The following ACSM2A variants were observed in gnomAD, a reference collection of about 807,000 sequenced individuals.
ACSM2A encodes acyl-CoA synthetase medium chain family member 2A, also known as acyl-coenzyme A synthetase ACSM2A, mitochondrial.
A neutral mutation model predicts 76.6 loss-of-function variants in ACSM2A; 72 were observed. The ratio of observed to expected loss-of-function variants is 0.94; its 90% CI spans 0.78 to 1.14. The LOEUF (loss-of-function observed/expected upper bound fraction) is 1.14. ACSM2A is among the 50% of genes most tolerant of loss of function. The pLI is 0.00. For missense variants in ACSM2A, 684 were observed against 708.5 expected (o/e 0.97, Z 0.39); for synonymous variants, 249 against 255.9 (o/e 0.97, Z 0.26).
intron 3 of ACSM2A, among the ~76,000 whole-genome samples, chr16:20,468,021 A>G (rs148401613): frequency 3.9e-4 from 59 of 152,222 alleles, no homozygotes; most frequent in Middle Eastern, 6.8e-3. Flanking sequence ...AGAGAAAGAC[A>G]TGAATGCAGC....
At chr16:20,477,756 T>G (rs1489293622) in intron 9 of ACSM2A, among the ~76,000 whole-genome samples, 8 of 152,232 alleles carry the variant, frequency 5.3e-5, no homozygotes, top group Admixed American at 5.2e-4. Context: ...TAATATTTTG[T>G]AACTAGCTTT....
chr16:20,462,949 T>C (rs2012721483), intron 2 of ACSM2A, among the ~76,000 whole-genome samples: 1 of 151,142 alleles, frequency 6.6e-6, no homozygotes, highest in African/African-American at 2.4e-5. Flanking sequence ...AGACAAAAAA[T>C]AAACCATCAT....
At chr16:20,466,943 CAGTT>C (rs2013036131) in intron 3 of ACSM2A, among the ~76,000 whole-genome samples, 1 of 152,168 alleles carries the variant, frequency 6.6e-6, no homozygotes, top group African/African-American at 2.4e-5. Context: ...AGCACGGACA[CAGTT>C]AGTTTCAGGA....
At chr16:20,456,849 T>C (rs1360765322) in intron 1 of ACSM2A, among the ~76,000 whole-genome samples, 2 of 143,948 alleles carry the variant, frequency 1.4e-5, no homozygotes, top group Non-Finnish European at 3.0e-5. Context: ...AAAAGATAAA[T>C]GAAACAAAAT....
At position 20,478,586 on chromosome 16, in the gene ACSM2A, A is replaced by G; in HGVS notation, c.1190A>G (p.Asp397Gly). ...ASCYDVQIID[D>G]KGNVLPPGTE... ...TGCTTCTTTCTCCAGATCATAGATG[A>G]TAAGGGCAACGTCCTGCCCCCCGGC... Residue 397 changes from aspartate (D) to glycine (G), a missense_variant, in exon 10 of 14, where the codon GAT becomes GGT. Physicochemically the swap from Asp to Gly is moderately conservative, Grantham distance 94 (BLOSUM62 -1). Around this residue, in one of 3 missense-constraint regions of ACSM2A, gnomAD observed 519 missense variants for 549.5 expected, o/e 0.94. Coordinates refer to ENST00000573854, the MANE Select transcript of ACSM2A (RefSeq NM_001308172.2). 1 of 1,613,644 alleles carries G rather than the reference A, an allele frequency of 6.2e-7. No homozygotes were observed.
intron 3 of ACSM2A, among the ~76,000 whole-genome samples, chr16:20,468,726 A>G (rs1474796703): frequency 6.6e-6 from 1 of 152,212 alleles, no homozygotes; most frequent in Non-Finnish European, 1.5e-5. Context: ...GGAAACAAGA[A>G]CAAGAATTTA....
rs561933191 is a variant in ACSM2A, at chr16:20,487,494, A to G, written c.*816A>G. The G allele has an allele frequency of 1.3e-5, 2 of 152,334 alleles. No individual in the cohort carries two copies. Among genetic ancestry groups the G allele is most frequent in the African/African-American group, 4.8e-5 (2 of 41,552 alleles). The allele number at this position is 152,334 out of a possible 1,614,324, so 9.4% of individuals were successfully genotyped here. On this transcript the variant is annotated 3_prime_UTR_variant, in exon 14 of 14. Coordinates refer to ENST00000573854, the MANE Select transcript of ACSM2A (RefSeq NM_001308172.2). The stretch of plus-strand genomic sequence containing the variant: ...AAGCATTTGCCATGTGCCAGGCACT[A>G]ACCCAGATGCATTATAAATACCACG...
chr16:20,467,073 AGAT>A (rs1287628563), intron 3 of ACSM2A, among the ~76,000 whole-genome samples: 1 of 152,210 alleles, frequency 6.6e-6, no homozygotes, highest in Non-Finnish European at 1.5e-5. Flanking sequence ...GTTGGAAACA[AGAT>A]GAAGTCAGCT....
rs1056118533 is a variant in ACSM2A at position 20,465,219 on chromosome 16, GTTTAC to G, written c.178-293_178-289del. Among the ~76,000 whole-genome samples the G allele has an allele frequency of 5.9e-5, 9 of 152,034 alleles. No homozygotes were observed. The East Asian group carries it at 9.7e-4, about 16-fold the overall frequency. On this transcript the variant is annotated intron_variant, in intron 2 of 13. Transcript: ENST00000573854. Reference sequence around the variant, plus strand: ...CCTCATTATTTTTTCATTTTGAAAAGTTTACTTTATCATTATAAAAAAATTATGCA... The same window carrying G: ...CCTCATTATTTTTTCATTTTGAAAAGTTTATCATTATAAAAAAATTATGCA...
intron 1 of ACSM2A, among the ~76,000 whole-genome samples, chr16:20,458,906 A>G (rs1202410078): frequency 3.3e-5 from 1 of 30,146 alleles, no homozygotes; most frequent in African/African-American, 2.8e-4. Flanking sequence ...ATATATATGC[A>G]TATATATATA....
At chr16:20,477,268 G>T (rs749749043) in intron 8 of ACSM2A, 101 bp from the exon 9 acceptor site, 10 of 1,497,982 alleles carry the variant, frequency 6.7e-6, no homozygotes, top group East Asian at 2.3e-5. Context: ...TGCAGGCCAA[G>T]TTCAGGACAG....
intron 1 of ACSM2A, chr16:20,453,595 T>C (rs1312230649): frequency 8.0e-6 from 1 of 125,170 alleles, no homozygotes; most frequent in African/African-American, 3.3e-5. Context: ...GAACAGAATA[T>C]CAGTGATTTT....
intron 3 of ACSM2A, among the ~76,000 whole-genome samples, chr16:20,467,712 AC>A (rs961971109): frequency 1.6e-4 from 25 of 152,192 alleles, no homozygotes; most frequent in African/African-American, 5.5e-4. Flanking sequence ...GGAAAATATC[AC>A]AAGTTCAATT....
At chr16:20,482,851 G>A (rs2014161056) in intron 12 of ACSM2A, 3 of 633,628 alleles carry the variant, frequency 4.7e-6, no homozygotes, top group Admixed American at 3.2e-5. Flanking sequence ...TCAATCTTTT[G>A]TCCACCTGCT....
chr16:20,480,098 A>G (rs1049502913), intron 10 of ACSM2A, among the ~76,000 whole-genome samples: 2 of 152,200 alleles, frequency 1.3e-5, no homozygotes, highest in African/African-American at 4.8e-5. Flanking sequence ...AGCTGAATAG[A>G]CGGACCCAGC....
Position 20,483,039 on chromosome 16 carries a change from G to T in ACSM2A, c.1510-19G>T. 12 of 1,612,798 alleles carry T rather than the reference G, an allele frequency of 7.4e-6. No homozygotes were observed. The highest frequency in any genetic ancestry group is 9.3e-6 in the Non-Finnish European group (11 of 1,179,186). ...TACACACTCTAATCCCTTCTCTCTGGCCTTCATCTTTTTTGCAGGTGGTGA... is the reference window on the plus strand; with the variant it reads ...TACACACTCTAATCCCTTCTCTCTGTCCTTCATCTTTTTTGCAGGTGGTGA... On this transcript the variant is annotated intron_variant, in intron 12 of 13. Transcript: ENST00000573854.
intron 6 of ACSM2A, among the ~76,000 whole-genome samples, chr16:20,475,073 G>A (rs1275534549): frequency 3.3e-5 from 5 of 152,120 alleles, no homozygotes. Flanking sequence ...GTGTTAACGA[G>A]GGCAAGTCTT....
intron 1 of ACSM2A, among the ~76,000 whole-genome samples, chr16:20,459,334 A>C (rs1367120051): frequency 6.6e-6 from 1 of 152,210 alleles, no homozygotes; most frequent in East Asian, 1.9e-4. Flanking sequence ...GGTCCTGTGC[A>C]CTAGATGGAT....
At chr16:20,455,340 T>C (rs1215680409) in intron 1 of ACSM2A, among the ~76,000 whole-genome samples, 1 of 151,308 alleles carries the variant, frequency 6.6e-6, no homozygotes, top group African/African-American at 2.4e-5. Context: ...CTAGGCACAT[T>C]GTCATCAGGT....
Sources: gnomAD v4.1 joint callset for allele counts (sites outside exome capture counted in the v4.1 genomes callset) on GRCh38, gnomAD v4.1.1 for gene constraint, gnomAD v4.1.1 regional missense constraint, MANE v1.5 for transcripts, NCBI Gene and HGNC (gene_info 2026-07-23, HGNC 2026-07-21) for gene names.